ZNF592: variants seen among roughly 807,000 people sequenced by gnomAD.
ZNF592 encodes the protein spinocerebellar ataxia, autosomal recessive 5.
Under a neutral mutation model 80.3 loss-of-function variants are expected in ZNF592, and 11 were observed. That is an observed-to-expected ratio of 0.14 (90% CI 0.09 to 0.23). ZNF592 has a LOEUF of 0.23. Among genes scored for constraint, ZNF592 ranks in the 10% least tolerant of loss-of-function variants. ZNF592 has a pLI of 1.00. For synonymous variants in ZNF592, 646 were observed against 640.3 expected, an observed-to-expected ratio of 1.01 and a Z score of -0.13; for missense variants, 1,420 against 1,633.9, an observed-to-expected ratio of 0.87 and a Z score of 2.26.
At chr15:84,774,665 GT>G (rs1229433333) in intron 2 of ZNF592, among the ~76,000 whole-genome samples, 2 of 151,638 alleles carry the variant, frequency 1.3e-5, no homozygotes, top group African/African-American at 4.8e-5. Context: ...GAAGTCAGTT[GT>G]TATTTTGTTC....
At chr15:84,793,169 C>G (rs986477450) in intron 5 of ZNF592, among the ~76,000 whole-genome samples, 1 of 152,050 alleles carries the variant, frequency 6.6e-6, no homozygotes, top group Non-Finnish European at 1.5e-5. Context: ...CTCCACCTCT[C>G]GAGTTCAAGC....
intron 2 of ZNF592, among the ~76,000 whole-genome samples, chr15:84,771,026 G>T (rs187247454): frequency 1.4e-4 from 21 of 152,242 alleles, no homozygotes; most frequent in Middle Eastern, 3.4e-3. Flanking sequence ...GCAGGGGCAG[G>T]TACATCAGCC....
rs1228598983 is a variant in ZNF592 at position 84,783,421 on chromosome 15, G to T, written c.746G>T (p.Ser249Ile). ...GEALEFNSHP[S>I]NSIGESKGLA... ...GCTTTGGAGTTCAACAGCCATCCTA[G>T]CAACAGTATTGGAGAGTCCAAGGGG... The change falls in exon 4 of 11, where the codon AGC becomes ATC. Residue 249 changes from serine to isoleucine, a missense_variant. Around this residue, in one of 7 missense-constraint regions of ZNF592, gnomAD observed 373 missense variants for 355.5 expected, o/e 1.05. Transcript: ENST00000560079. The surrounding 1 kb of genome is among the most constrained non-coding windows in gnomAD (Gnocchi z 5.0). 8 of 1,614,054 alleles carry T rather than the reference G, an allele frequency of 5.0e-6. No individual in the cohort carries two copies. The African/African-American group carries it at 1.1e-4, about 22-fold the overall frequency.
In ZNF592 at chr15:84,782,893, C is replaced by G; in HGVS notation, c.218C>G (p.Thr73Ser). The G allele has an allele frequency of 6.2e-7, 1 of 1,614,160 alleles. No individual in the cohort carries two copies. Among genetic ancestry groups the G allele is most frequent in the Non-Finnish European group, 8.5e-7 (1 of 1,180,032 alleles). The change falls in exon 4 of 11, where the codon ACC (threonine) becomes AGC (serine). Residue 73 changes from threonine to serine, a missense_variant. Thr to Ser is a moderately conservative substitution (Grantham distance 58). Around this residue, in one of 7 missense-constraint regions of ZNF592, gnomAD observed 373 missense variants for 355.5 expected, o/e 1.05. Transcript: ENST00000560079. ...GCCGTGAGTGTCATTGTCAAGAACA[C>G]CAGCCGCCAGGAGTCATTTGAAGCG... ...VPAVSVIVKN[T>S]SRQESFEAEK...
At chr15:84,770,500 C>T (rs571321835) in intron 2 of ZNF592, among the ~76,000 whole-genome samples, 1 of 152,162 alleles carries the variant, frequency 6.6e-6, no homozygotes, top group East Asian at 1.9e-4. Flanking sequence ...CAGTGGTGCC[C>T]ACAGATGTTT....
At chr15:84,756,802 A>T (rs1448391824) in intron 1 of ZNF592, among the ~76,000 whole-genome samples, 1 of 152,112 alleles carries the variant, frequency 6.6e-6, no homozygotes, top group South Asian at 2.1e-4. Flanking sequence ...CCTAGGCTCA[A>T]ACGATCCTCC....
At chr15:84,763,982 TAA>T (rs1899425078) in intron 1 of ZNF592, among the ~76,000 whole-genome samples, 1 of 152,188 alleles carries the variant, frequency 6.6e-6, no homozygotes, top group African/African-American at 2.4e-5. Context: ...ACCTAGTTTT[TAA>T]AAAAGAGTTC....
At chr15:84,750,229 G>A (rs1169825448) in intron 1 of ZNF592, among the ~76,000 whole-genome samples, 3 of 152,218 alleles carry the variant, frequency 2.0e-5, no homozygotes, top group Non-Finnish European at 4.4e-5. Context: ...CTTGAACCCG[G>A]GAGGCGGAGG....
intron 4 of ZNF592, among the ~76,000 whole-genome samples, chr15:84,786,873 C>T (rs1322924655): frequency 1.3e-4 from 14 of 105,250 alleles, no homozygotes; most frequent in Non-Finnish European, 1.8e-5. Context: ...TTTTGTGAGA[C>T]GGAGTCTTGC....
chr15:84,751,652 C>G (rs959444517), intron 1 of ZNF592, among the ~76,000 whole-genome samples: 1 of 150,034 alleles, frequency 6.7e-6, no homozygotes, highest in Non-Finnish European at 1.5e-5. Context: ...TGTCTGTAAT[C>G]CCAGCACTGT....
In ZNF592 at chr15:84,761,558, G is replaced by T. The variant is rs74660985; in HGVS notation, c.-258-3149G>T. Among the ~76,000 whole-genome samples, 867 of 152,252 alleles carry T rather than the reference G, an allele frequency of 5.7e-3. 8 individuals carry two copies. Among genetic ancestry groups the T allele is most frequent in the African/African-American group, 0.02 (819 of 41,522 alleles). ...TTCAAGTGAGTTTTGGAAGCAGGTGGGGTGTAAGTAGGAGAAAGGAAAAGG... is the reference window on the plus strand; with the variant it reads ...TTCAAGTGAGTTTTGGAAGCAGGTGTGGTGTAAGTAGGAGAAAGGAAAAGG... On this transcript the variant is annotated intron_variant, in intron 1 of 10. Coordinates refer to ENST00000560079, the MANE Select transcript of ZNF592 (RefSeq NM_014630.3).
At chr15:84,756,932 T>C (rs1412168217) in intron 1 of ZNF592, among the ~76,000 whole-genome samples, 1 of 151,900 alleles carries the variant, frequency 6.6e-6, no homozygotes, top group East Asian at 1.9e-4. Context: ...GTCAACATGG[T>C]GAAACCCCGT....
At chr15:84,762,913 G>A (rs531706571) in intron 1 of ZNF592, among the ~76,000 whole-genome samples, 1 of 152,314 alleles carries the variant, frequency 6.6e-6, no homozygotes, top group South Asian at 2.1e-4. Context: ...AGTGTTGGAA[G>A]AAGCTCTAAT....
intron 10 of ZNF592, among the ~76,000 whole-genome samples, chr15:84,800,467 T>G (rs1963060426): frequency 6.6e-6 from 1 of 152,180 alleles, no homozygotes; most frequent in Admixed American, 6.5e-5. Context: ...TGATTTCTGG[T>G]GAACTTTGGA....
At position 84,801,901 on chromosome 15, in the gene ZNF592, C is replaced by T. The variant is rs373997574; in HGVS notation, c.3312C>T (p.Asp1104=). Residue 1104 remains aspartate, a synonymous_variant, in exon 11 of 11, where the codon GAC becomes GAT. Transcript: ENST00000560079. ...HLKRPVSGVG[D]APGTSNGATV... ...AAAGACCAGTCAGTGGAGTGGGGGA[C>T]GCTCCAGGCACCAGCAATGGCGCAA... 77 of 1,613,784 alleles carry T rather than the reference C, an allele frequency of 4.8e-5. No homozygotes were observed. The highest frequency in any genetic ancestry group is 6.0e-5 in the Non-Finnish European group (71 of 1,179,854).
chr15:84,799,020 A>G lies in ZNF592; in HGVS notation c.3025-78A>G, dbSNP rs1331603672. On this transcript the variant is annotated intron_variant, in intron 8 of 10. Transcript: ENST00000560079. This position sits in a 1 kb window ranked among gnomAD's most constrained non-coding sequence, Gnocchi z 4.2. ...TTCGGGAGTATCCTCCTTTCTGCCC[A>G]TGGCATCTGAGAAGAAAAATGCACC... 1.9e-6 allele frequency: 3 copies of G among 1,596,378 alleles called. No homozygotes were observed. Among genetic ancestry groups the G allele is most frequent in the South Asian group, 2.2e-5 (2 of 90,716 alleles).
Position 84,784,486 on chromosome 15 carries a change from A to C in ZNF592, c.1811A>C (p.Gln604Pro). ...TTTGCCTTAGAGAAGAGCCTGAGCC[A>C]GCACTATGGCCGGCGGAGCGTCCAC... ...DAFALEKSLS[Q>P]HYGRRSVHIE... Residue 604 changes from glutamine to proline, a missense_variant, in exon 4 of 11, where the codon CAG (glutamine) becomes CCG (proline). This residue lies in a region of ZNF592 where 524 missense variants were observed against 628.3 expected (regional missense o/e 0.83). Transcript: ENST00000560079. This position sits in a 1 kb window ranked among gnomAD's most constrained non-coding sequence, Gnocchi z 5.8. The C allele has an allele frequency of 6.2e-7, 1 of 1,614,206 alleles. No homozygotes were observed. The highest frequency in any genetic ancestry group is 8.5e-7 in the Non-Finnish European group (1 of 1,180,044).
At chr15:84,770,150 GAA>G (rs1225972059) in intron 2 of ZNF592, among the ~76,000 whole-genome samples, 1 of 152,194 alleles carries the variant, frequency 6.6e-6, no homozygotes. Context: ...GGGTGTGAAA[GAA>G]AGAGAGGTTT....
rs1171939373 is a variant in ZNF592 at position 84,803,461 on chromosome 15, A to G, written c.*1068A>G. 6.6e-6 allele frequency: 1 copy of G among 152,550 alleles called. No individual in the cohort carries two copies. The highest frequency in any genetic ancestry group is 6.5e-5 in the Admixed American group (1 of 15,284). 9.4% of individuals were successfully genotyped at this position (152,550 alleles called of 1,614,324 possible). A position where few individuals can be genotyped will look rare whatever the true frequency, so the allele number is the denominator to read the frequency against. Reference sequence around the variant, plus strand: ...AGATTCTGGAGCTTGTGGTTAGGAAACCGGGAGCCCTGTACTACTTAGTTC... The same window carrying G: ...AGATTCTGGAGCTTGTGGTTAGGAAGCCGGGAGCCCTGTACTACTTAGTTC... On this transcript the variant is annotated 3_prime_UTR_variant, in exon 11 of 11. Transcript: ENST00000560079.
Sources: allele counts gnomAD v4.1 joint callset (sites outside exome capture counted in the v4.1 genomes callset), GRCh38; gene constraint gnomAD v4.1.1; regional missense constraint gnomAD v4.1.1; non-coding constraint Gnocchi (gnomAD v3.1); transcripts MANE v1.5; gene names NCBI Gene and HGNC (gene_info 2026-07-23, HGNC 2026-07-21).